The following FA2H variants were observed in gnomAD, a reference collection of about 807,000 sequenced individuals.
FA2H encodes fatty acid alpha-hydroxylase.
A neutral mutation model predicts 44.9 loss-of-function variants in FA2H; 22 were observed. The observed-to-expected ratio is 0.49, with a 90% CI of 0.35 to 0.70. The LOEUF (loss-of-function observed/expected upper bound fraction) is 0.70. Ranked by LOEUF, FA2H falls within the 30% of genes least tolerant of loss-of-function variation. The pLI is 0.01. For missense variants in FA2H, 501 were observed against 504.9 expected (o/e 0.99, Z 0.07); for synonymous variants, 243 against 213.2 (o/e 1.14, Z -1.22).
chr16:74,754,199 C>G (rs1393215326), intron 1 of FA2H, among the ~76,000 whole-genome samples: 1 of 152,168 alleles, frequency 6.6e-6, no homozygotes, highest in Admixed American at 6.5e-5. Context: ...AGTTCAAGAC[C>G]AGACTGGCCA....
At chr16:74,763,000 G>A (rs750122479) in intron 1 of FA2H, among the ~76,000 whole-genome samples, 2 of 152,178 alleles carry the variant, frequency 1.3e-5, no homozygotes, top group African/African-American at 2.4e-5. Context: ...ATGAAACCAA[G>A]CTGATCTGTC....
At chr16:74,738,295 T>C (rs888884228) in intron 2 of FA2H, among the ~76,000 whole-genome samples, 3 of 152,042 alleles carry the variant, frequency 2.0e-5, no homozygotes, top group African/African-American at 7.2e-5. Flanking sequence ...GAGCAGTCCA[T>C]GGGGGAGGAG....
chr16:74,726,373 A>C, intron 3 of FA2H, 42 bp from the exon 4 acceptor site: 1 of 1,240,718 alleles, frequency 8.1e-7, no homozygotes, highest in Middle Eastern at 1.9e-4. Flanking sequence ...CATGCACAGG[A>C]GCTTGACAGA....
chr16:74,715,372 G>C (rs751874787), intron 6 of FA2H, among the ~76,000 whole-genome samples: 2 of 152,008 alleles, frequency 1.3e-5, no homozygotes, highest in Non-Finnish European at 2.9e-5. Context: ...GCTCATTGCT[G>C]CCTCAAACTC....
intron 4 of FA2H, among the ~76,000 whole-genome samples, chr16:74,720,191 T>C: frequency 8.1e-6 from 1 of 123,700 alleles, no homozygotes; most frequent in African/African-American, 3.1e-5. Flanking sequence ...TTTTTTTTTT[T>C]TTTTTTTTTT....
chr16:74,722,865 C>A (rs62051069), intron 4 of FA2H, among the ~76,000 whole-genome samples: 1 of 141,864 alleles, frequency 7.0e-6, no homozygotes, highest in Non-Finnish European at 1.5e-5. Flanking sequence ...GAGCCAAGAT[C>A]GTGCCATTGC....
chr16:74,718,990 TGTG>T lies in FA2H; in HGVS notation c.781_783del (p.His261del), dbSNP rs1961771162. 4 of 1,613,454 alleles carry T rather than the reference TGTG, an allele frequency of 2.5e-6. No homozygotes were observed. In the South Asian group the frequency reaches 3.3e-5, roughly 13 times the overall value. ...GGCTGGGACCCCGCCCCGCTCACCTTGTGGTGCTGGCCGTGCATGACGAAGTGC... is the reference window on the plus strand; with the variant it reads ...GGCTGGGACCCCGCCCCGCTCACCTTGTGCTGGCCGTGCATGACGAAGTGC... On this transcript the variant is annotated inframe_deletion, in exon 5 of 7. Transcript: ENST00000219368.
intron 1 of FA2H, among the ~76,000 whole-genome samples, chr16:74,764,305 C>T (rs1477287819): frequency 6.6e-6 from 1 of 152,114 alleles, no homozygotes; most frequent in African/African-American, 2.4e-5. Flanking sequence ...ACAGCAAAGA[C>T]ATGAAATCAA....
intron 1 of FA2H, among the ~76,000 whole-genome samples, chr16:74,750,324 T>A (rs868539966): frequency 6.6e-6 from 1 of 152,232 alleles, no homozygotes; most frequent in African/African-American, 2.4e-5. Flanking sequence ...CTAAGAATTA[T>A]CCTGTATTTT....
intron 1 of FA2H, among the ~76,000 whole-genome samples, chr16:74,751,558 A>G (rs538005183): frequency 6.6e-6 from 1 of 152,054 alleles, no homozygotes; most frequent in African/African-American, 2.4e-5. Context: ...CCACAGGGTA[A>G]ATTGTCTTTC....
intron 2 of FA2H, among the ~76,000 whole-genome samples, chr16:74,732,748 G>A (rs1200276971): frequency 6.6e-6 from 1 of 152,136 alleles, no homozygotes; most frequent in African/African-American, 2.4e-5. Flanking sequence ...AAATGGCATA[G>A]GATTCATACG....
At chr16:74,764,744 A>T (rs1196121222) in intron 1 of FA2H, among the ~76,000 whole-genome samples, 1 of 152,120 alleles carries the variant, frequency 6.6e-6, no homozygotes, top group Non-Finnish European at 1.5e-5. Context: ...AAAAAAGAAT[A>T]GGAGCAATTA....
At chr16:74,765,708 C>T (rs113989568) in intron 1 of FA2H, among the ~76,000 whole-genome samples, 13 of 152,080 alleles carry the variant, frequency 8.5e-5, no homozygotes, top group East Asian at 1.9e-4. Context: ...CACATGACCA[C>T]GCCTGGCTAT....
intron 4 of FA2H, among the ~76,000 whole-genome samples, chr16:74,724,623 T>A (rs1262583118): frequency 6.6e-6 from 1 of 152,218 alleles, no homozygotes; most frequent in African/African-American, 2.4e-5. Flanking sequence ...GTGCCTTGCA[T>A]GACAAGCTGG....
chr16:74,716,575 C>T lies in FA2H; in HGVS notation c.811G>A (p.Val271Ile), dbSNP rs1158038653. Residue 271 changes from valine (V) to isoleucine (I), a missense_variant, in exon 6 of 7, where the codon GTC (valine) becomes ATC (isoleucine). Coordinates refer to ENST00000219368, the MANE Select transcript of FA2H (RefSeq NM_024306.5). ...AGGGAGGCTGGCACAGGGGGGAAGA[C>T]CAGGCGGGAGCCGTCGAAGGGTGCC... Reference protein sequence around the residue: ...HKAPFDGSRLVFPPVPASLVI... With the variant: ...HKAPFDGSRLIFPPVPASLVI... The T allele has an allele frequency of 6.3e-7, 1 of 1,587,320 alleles. No homozygotes were observed. The highest frequency in any genetic ancestry group is 1.8e-5 in the Admixed American group (1 of 55,222).
chr16:74,766,077 G>A (rs1235988413), intron 1 of FA2H, among the ~76,000 whole-genome samples: 2 of 152,120 alleles, frequency 1.3e-5, no homozygotes, highest in African/African-American at 4.8e-5. Flanking sequence ...GGAGGCCGAG[G>A]CAGGTGAGGT....
intron 1 of FA2H, among the ~76,000 whole-genome samples, chr16:74,762,738 C>T (rs1762398502): frequency 6.6e-6 from 1 of 152,138 alleles, no homozygotes; most frequent in Admixed American, 6.6e-5. Flanking sequence ...CCATATTGGT[C>T]AGGCTGGTCT....
intron 1 of FA2H, among the ~76,000 whole-genome samples, chr16:74,769,931 G>C (rs546623215): frequency 2.2e-4 from 34 of 152,338 alleles, no homozygotes; most frequent in Middle Eastern, 6.8e-3. Flanking sequence ...AAACAAGTTG[G>C]ACTTGTTTTG....
intron 4 of FA2H, among the ~76,000 whole-genome samples, chr16:74,723,149 G>T (rs1024811011): frequency 2.6e-5 from 4 of 152,208 alleles, no homozygotes; most frequent in African/African-American, 9.7e-5. Context: ...CTGTGAACTT[G>T]CTAATATATC....
Sources: allele counts gnomAD v4.1 joint callset (sites outside exome capture counted in the v4.1 genomes callset), GRCh38; gene constraint gnomAD v4.1.1; transcripts MANE v1.5; gene names NCBI Gene and HGNC (gene_info 2026-07-23, HGNC 2026-07-21).